GORASP2: variants seen among roughly 807,000 people sequenced by gnomAD.
The protein encoded by GORASP2 is Golgi reassembly-stacking protein 2.
In GORASP2, 22 loss-of-function variants were observed where a neutral mutation model predicts 45.7. That is an observed-to-expected ratio of 0.48 (90% CI 0.34 to 0.69). The LOEUF is 0.69. Ranked by LOEUF, GORASP2 falls within the 30% of genes least tolerant of loss-of-function variation. The pLI, the probability that GORASP2 is intolerant of heterozygous loss-of-function variation, is 0.01. For missense variants in GORASP2, 491 were observed against 562.7 expected, an observed-to-expected ratio of 0.87 and a Z score of 1.29; for synonymous variants, 221 against 215.6, an observed-to-expected ratio of 1.02 and a Z score of -0.22.
At position 170,966,799 on chromosome 2, in the gene GORASP2, AT is replaced by A. The variant is rs1232656200; in HGVS notation, c.*672del. 6.5e-6 allele frequency: 1 copy of A among 152,846 alleles called. No homozygotes were observed. Among genetic ancestry groups the A allele is most frequent in the East Asian group, 1.9e-4 (1 of 5,202 alleles). 9.5% of individuals were successfully genotyped at this position (152,846 alleles called of 1,614,324 possible). The stretch of plus-strand genomic sequence containing the variant: ...TTCTACATACACCTTATAAAGTGAC[AT>A]TTCAAAAGAAATAAGGTGCCACAGT... On this transcript the variant is annotated 3_prime_UTR_variant, in exon 10 of 10. Coordinates refer to ENST00000234160, the MANE Select transcript of GORASP2 (RefSeq NM_015530.5).
chr2:170,932,796 A>G (rs943683875), intron 1 of GORASP2, among the ~76,000 whole-genome samples: 5 of 152,216 alleles, frequency 3.3e-5, no homozygotes, highest in Admixed American at 6.5e-5. Flanking sequence ...ATTTTGAATA[A>G]TATGACGTAT....
At chr2:170,946,654 G>A (rs112556060) in intron 1 of GORASP2, among the ~76,000 whole-genome samples, 16 of 151,812 alleles carry the variant, frequency 1.1e-4, no homozygotes, top group East Asian at 7.7e-4. Context: ...ACTTTTGGCC[G>A]GATGCAGTGG....
intron 2 of GORASP2, among the ~76,000 whole-genome samples, chr2:170,949,017 G>A (rs775196227): frequency 4.6e-5 from 7 of 152,014 alleles, no homozygotes; most frequent in South Asian, 2.1e-4. Flanking sequence ...TTAAGTTTTC[G>A]TTCATTACTT....
Position 170,966,220 on chromosome 2 carries a change from G to A in GORASP2, c.*90G>A. ...ACTATCATTAATTTCATACTAGTTT[G>A]TACCGTATCTGTAGGCATCCTGTAA... On this transcript the variant is annotated 3_prime_UTR_variant, in exon 10 of 10. Coordinates refer to ENST00000234160, the MANE Select transcript of GORASP2 (RefSeq NM_015530.5). The A allele has an allele frequency of 4.3e-6, 4 of 926,030 alleles. No homozygotes were observed. The highest frequency in any genetic ancestry group is 4.1e-5 in the South Asian group (3 of 72,348). The allele number at this position is 926,030 out of a possible 1,614,324, so 57.4% of individuals were successfully genotyped here. A position where few individuals can be genotyped will look rare whatever the true frequency, so the allele number is the denominator to read the frequency against.
chr2:170,933,721 A>G (rs1286488811), intron 1 of GORASP2, among the ~76,000 whole-genome samples: 1 of 152,112 alleles, frequency 6.6e-6, no homozygotes, highest in African/African-American at 2.4e-5. Flanking sequence ...AGAGATGGGG[A>G]ATAGCTGAGG....
chr2:170,934,826 C>T (rs986679680), intron 1 of GORASP2, among the ~76,000 whole-genome samples: 1 of 151,998 alleles, frequency 6.6e-6, no homozygotes, highest in Non-Finnish European at 1.5e-5. Flanking sequence ...CAACCTCCGC[C>T]TCCGAAGTCC....
At position 170,966,069 on chromosome 2, in the gene GORASP2, C is replaced by A; in HGVS notation, c.1298C>A (p.Thr433Asn). ...GTTGAGGACAGAGTCGGCGACTCCACCCCAGTCAGCGAGAAGCCTGTTTCT... is the reference window on the plus strand; with the variant it reads ...GTTGAGGACAGAGTCGGCGACTCCAACCCAGTCAGCGAGAAGCCTGTTTCT... The part of the protein sequence containing the change: ...TTVEDRVGDS[T>N]PVSEKPVSAA... Residue 433 changes from threonine (T) to asparagine (N), a missense_variant, in exon 10 of 10, where the codon ACC (threonine) becomes AAC (asparagine). Physicochemically the swap from Thr to Asn is moderately conservative, Grantham distance 65. Coordinates refer to ENST00000234160, the MANE Select transcript of GORASP2 (RefSeq NM_015530.5). 2.5e-6 allele frequency: 4 copies of A among 1,614,040 alleles called. No homozygotes were observed. Among genetic ancestry groups the A allele is most frequent in the Non-Finnish European group, 3.4e-6 (4 of 1,179,918 alleles).
chr2:170,939,768 C>A lies in GORASP2; in HGVS notation c.64-8582C>A, dbSNP rs187113223. Among the ~76,000 whole-genome samples, 11 of 152,264 alleles carry A rather than the reference C, an allele frequency of 7.2e-5. No homozygotes were observed. The East Asian group carries it at 1.9e-3, about 27-fold the overall frequency. On this transcript the variant is annotated intron_variant, in intron 1 of 9. Coordinates refer to ENST00000234160, the MANE Select transcript of GORASP2 (RefSeq NM_015530.5). Reference sequence around the variant, plus strand: ...ACAGGGACTACTATAGCTCCCTCACCCTCCTCACTAAAAAAAATGCTTATT... The same window carrying A: ...ACAGGGACTACTATAGCTCCCTCACACTCCTCACTAAAAAAAATGCTTATT...
At chr2:170,934,256 T>TTG (rs1703893349) in intron 1 of GORASP2, among the ~76,000 whole-genome samples, 2 of 150,706 alleles carry the variant, frequency 1.3e-5, no homozygotes, top group African/African-American at 4.9e-5. Flanking sequence ...TGTTTTTTTT[T>TTG]TTGTTGTTGT....
At chr2:170,944,078 C>CT (rs1704132356) in intron 1 of GORASP2, among the ~76,000 whole-genome samples, 2 of 152,148 alleles carry the variant, frequency 1.3e-5, no homozygotes, top group Non-Finnish European at 2.9e-5. Context: ...TATATATAGA[C>CT]TTTTAGTTAA....
intron 9 of GORASP2, among the ~76,000 whole-genome samples, chr2:170,963,641 T>C (rs1704623305): frequency 6.6e-6 from 1 of 152,044 alleles, no homozygotes; most frequent in African/African-American, 2.4e-5. Flanking sequence ...TTGTATTTTT[T>C]GTTTTGTTTA....
chr2:170,954,775 T>A lies in GORASP2; in HGVS notation c.692T>A (p.Phe231Tyr). The A allele has an allele frequency of 6.2e-7, 1 of 1,611,356 alleles. No homozygotes were observed. Among genetic ancestry groups the A allele is most frequent in the Middle Eastern group, 1.7e-4 (1 of 6,038 alleles). The change falls in exon 6 of 10, where the codon TTT (phenylalanine) becomes TAT (tyrosine). Residue 231 changes from phenylalanine (F) to tyrosine (Y), a missense_variant. Phe to Tyr is a conservative substitution (Grantham distance 22, BLOSUM62 3). Transcript: ENST00000234160. ...CCTATTACACCTCTTAAAGATGGGTTTACAGAGGTAAGATCACGTTCCTAC... is the reference window on the plus strand; with the variant it reads ...CCTATTACACCTCTTAAAGATGGGTATACAGAGGTAAGATCACGTTCCTAC... ...GTPITPLKDGFTEVQLSSVNP... is the reference protein window; with the variant it reads ...GTPITPLKDGYTEVQLSSVNP...
intron 9 of GORASP2, among the ~76,000 whole-genome samples, chr2:170,963,450 GCTCCTC>G (rs564256437): frequency 8.9e-5 from 12 of 134,358 alleles, no homozygotes; most frequent in Non-Finnish European, 1.2e-4. Flanking sequence ...TGCTGCTGCT[GCTCCTC>G]CTCCTCCTCC....
In GORASP2 at chr2:170,967,030, G is replaced by A. The variant is rs377410762; in HGVS notation, c.*900G>A. On this transcript the variant is annotated 3_prime_UTR_variant, in exon 10 of 10. Coordinates refer to ENST00000234160, the MANE Select transcript of GORASP2 (RefSeq NM_015530.5). ...ATGTCACGCATCTTTAACTTTTCAC[G>A]TCCTATGTTTGCTTTCTCCCATTTT... 3.3e-5 allele frequency: 5 copies of A among 151,960 alleles called. No individual in the cohort carries two copies. The East Asian group carries it at 7.7e-4, about 23-fold the overall frequency. The allele number at this position is 151,960 out of a possible 1,614,324, so 9.4% of individuals were successfully genotyped here. A position where few individuals can be genotyped will look rare whatever the true frequency, so the allele number is the denominator to read the frequency against.
chr2:170,938,804 A>C (rs1242651005), intron 1 of GORASP2, among the ~76,000 whole-genome samples: 1 of 152,180 alleles, frequency 6.6e-6, no homozygotes, highest in African/African-American at 2.4e-5. Flanking sequence ...TAGCCTGGCC[A>C]ACATGGTGAA....
Position 170,930,973 on chromosome 2 carries a change from C to CA in GORASP2, c.63+1587dup, listed in dbSNP as rs11286018. On this transcript the variant is annotated intron_variant, in intron 1 of 9. Coordinates refer to ENST00000234160, the MANE Select transcript of GORASP2 (RefSeq NM_015530.5). ...AGTAAAACACATTAGTGTTAATAAG[C>CA]AAAAAAAAAAAAAAAAAGTCGCGTG... Among the ~76,000 whole-genome samples, 466 of 93,798 alleles carry CA rather than the reference C, an allele frequency of 5.0e-3. 2 individuals carry two copies. The highest frequency in any genetic ancestry group is 8.5e-3 in the African/African-American group (266 of 31,412). The allele number at this position is 93,798 out of a possible 152,430, so 61.5% of individuals were successfully genotyped here. A position where few individuals can be genotyped will look rare whatever the true frequency, so the allele number is the denominator to read the frequency against.
At chr2:170,933,338 C>T (rs1703872177) in intron 1 of GORASP2, among the ~76,000 whole-genome samples, 1 of 152,102 alleles carries the variant, frequency 6.6e-6, no homozygotes, top group Non-Finnish European at 1.5e-5. Context: ...TAAGTTACCC[C>T]CTACATGTGA....
At chr2:170,936,488 GGGATTACACTTATGA>G in intron 1 of GORASP2, 1 of 385,390 alleles carries the variant, frequency 2.6e-6, no homozygotes, top group Non-Finnish European at 5.0e-6. Context: ...CCAAAGTGTT[GGGATTACACTTATGA>G]GCCACCACAC....
chr2:170,935,795 C>T (rs556497670), intron 1 of GORASP2, among the ~76,000 whole-genome samples: 5 of 151,654 alleles, frequency 3.3e-5, no homozygotes, highest in Admixed American at 2.0e-4. Context: ...AGGCTGCCCT[C>T]GAACTCCTGA....
Sources: allele counts gnomAD v4.1 joint callset (sites outside exome capture counted in the v4.1 genomes callset), GRCh38; gene constraint gnomAD v4.1.1; transcripts MANE v1.5; gene names NCBI Gene and HGNC (gene_info 2026-07-23, HGNC 2026-07-21).